Variants in GAGE1 observed in about 807,000 individuals in gnomAD.
GAGE1 encodes G antigen 1, also known as G antigen 4.
GAGE1 carries 5 observed loss-of-function variants against 5.0 expected under a neutral mutation model. The observed-to-expected ratio is 1.00, with a 90% CI of 0.52 to 2.11. The LOEUF is 2.11. Ranked by LOEUF, GAGE1 falls within the 30% of genes most tolerant of loss-of-function variation. GAGE1 has a pLI of 0.01. For missense variants in GAGE1, 9 were observed against 38.9 expected, an observed-to-expected ratio of 0.23 and a Z score of 2.04; for synonymous variants, 6 against 14.8, an observed-to-expected ratio of 0.40 and a Z score of 1.37.
At position 49,605,998 on chromosome X, in the gene GAGE1, G is replaced by C; in HGVS notation, c.337G>C (p.Gly113Arg). 2.8e-6 allele frequency: 3 copies of C among 1,075,257 alleles called. No individual in the cohort carries two copies. Among genetic ancestry groups the C allele is most frequent in the Non-Finnish European group, 3.6e-6 (3 of 822,953 alleles). 88.6% of individuals were successfully genotyped at this position (1,075,257 alleles called of 1,213,427 possible). A position where few individuals can be genotyped will look rare whatever the true frequency, so the allele number is the denominator to read the frequency against. ...ACTGTTTTGTTTTGTTTCAGGTGAAGGGCAATCACAGTGTTAAAAGAAGAC... is the reference window on the plus strand; with the variant it reads ...ACTGTTTTGTTTTGTTTCAGGTGAACGGCAATCACAGTGTTAAAAGAAGAC... ...EEVKTPEEGE[G>R]QSQC Residue 113 changes from glycine to arginine, a missense_variant, in exon 5 of 5, where the codon GGG (glycine) becomes CGG (arginine). Coordinates refer to ENST00000381700, the MANE Select transcript of GAGE1 (RefSeq NM_001040663.4).
Position 49,605,974 on chromosome X carries a change from CTGTTT to C in GAGE1, c.332-8_332-4del, listed in dbSNP as rs782791335. ...ATCTGTTGCTCTGTAATGTTCCCAA[CTGTTT>C]TGTTTTGTTTCAGGTGAAGGGCAAT... On this transcript the variant is annotated splice_polypyrimidine_tract_variant and intron_variant, in intron 4 of 4. Transcript: ENST00000381700. 2.9e-6 allele frequency: 3 copies of C among 1,027,673 alleles called. No homozygotes were observed. The highest frequency in any genetic ancestry group is 7.2e-5 in the East Asian group (2 of 27,826). The allele number at this position is 1,027,673 out of a possible 1,213,427, so 84.7% of individuals were successfully genotyped here. A position where few individuals can be genotyped will look rare whatever the true frequency, so the allele number is the denominator to read the frequency against.
chrX:49,606,261 C>G lies in GAGE1; in HGVS notation c.*246C>G. ...CTATCCAGCAACCTTGTTAAATATG[C>G]TTATGAATTTTAAAAGTTTACTTCT... On this transcript the variant is annotated 3_prime_UTR_variant, in exon 5 of 5. Coordinates refer to ENST00000381700, the MANE Select transcript of GAGE1 (RefSeq NM_001040663.4). The G allele has an allele frequency of 4.7e-6, 1 of 211,810 alleles. No homozygotes were observed. 17.5% of individuals were successfully genotyped at this position (211,810 alleles called of 1,213,427 possible).
chrX:49,606,663 A>G lies in GAGE1; in HGVS notation c.*648A>G, dbSNP rs1251848265. On this transcript the variant is annotated 3_prime_UTR_variant, in exon 5 of 5. Coordinates refer to ENST00000381700, the MANE Select transcript of GAGE1 (RefSeq NM_001040663.4). ...ACAATATTTAGTGTACTTTTTTTGT[A>G]GATGGACTTTTTCAGAGTAAGTCAA... 1.8e-5 allele frequency: 2 copies of G among 112,380 alleles called. No homozygotes were observed. Among genetic ancestry groups the G allele is most frequent in the African/African-American group, 6.5e-5 (2 of 30,915 alleles). The allele number at this position is 112,380 out of a possible 1,213,427, so 9.3% of individuals were successfully genotyped here. A position where few individuals can be genotyped will look rare whatever the true frequency, so the allele number is the denominator to read the frequency against.
chrX:49,603,511 C>A (rs1418840437), intron 3 of GAGE1, among the ~76,000 whole-genome samples, 157 bp from the exon 4 acceptor site: 3,013 of 96,604 alleles, frequency 0.031, 47 homozygotes, highest in African/African-American at 0.12. Flanking sequence ...TTTCTGCTAA[C>A]GGACTCCTGA....
intron 4 of GAGE1, chrX:49,604,848 C>T (rs1557131825): frequency 4.4e-6 from 1 of 227,703 alleles, no homozygotes; most frequent in Non-Finnish European, 8.2e-6. Flanking sequence ...CAGTCTGTCA[C>T]CCAGGGTGGA....
intron 4 of GAGE1, 33 bp downstream of exon 4, chrX:49,603,826 G>T (rs782809451): frequency 4.4e-6 from 5 of 1,132,172 alleles, no homozygotes; most frequent in East Asian, 3.0e-5. Flanking sequence ...ACATTGTAGG[G>T]TGTCTGTTTC....
chrX:49,605,009 C>T (rs144282981), intron 4 of GAGE1: 1 of 997,471 alleles, frequency 1.0e-6, no homozygotes, highest in Non-Finnish European at 1.3e-6. Context: ...GATGAGGTCT[C>T]ACTATGTTGC....
intron 4 of GAGE1, among the ~76,000 whole-genome samples, chrX:49,605,420 G>T (rs1194652873): frequency 3.6e-5 from 4 of 112,276 alleles, no homozygotes; most frequent in Non-Finnish European, 1.9e-5. Flanking sequence ...ACTGTTAATT[G>T]TAATTGCTTG....
At chrX:49,604,959 C>T in intron 4 of GAGE1, 3 of 696,944 alleles carry the variant, frequency 4.3e-6, no homozygotes, top group Non-Finnish European at 6.0e-6. Context: ...ATGCACAAGC[C>T]AACGTACCTG....
intron 4 of GAGE1, among the ~76,000 whole-genome samples, chrX:49,604,666 C>T (rs1202717651): frequency 8.9e-6 from 1 of 112,207 alleles, no homozygotes; most frequent in African/African-American, 3.2e-5. Context: ...AAACCCTGGC[C>T]CGAGTCATCT....
Position 49,605,424 on chromosome X carries a change from T to G in GAGE1, c.332-569T>G, listed in dbSNP as rs1251969931. 8.0e-5 allele frequency among the ~76,000 whole-genome samples: 9 copies of G among 112,369 alleles called. No homozygotes were observed. The East Asian group carries it at 1.1e-3, about 14-fold the overall frequency. On this transcript the variant is annotated intron_variant, in intron 4 of 4. Transcript: ENST00000381700. The stretch of plus-strand genomic sequence containing the variant: ...CCAAATTGCTGACTGTTAATTGTAA[T>G]TGCTTGTGACTTGAAAGGAAGCACT...
chrX:49,602,450 T>G (rs782781660), intron 3 of GAGE1, among the ~76,000 whole-genome samples: 1 of 77,968 alleles, frequency 1.3e-5, no homozygotes, highest in African/African-American at 3.5e-5. Context: ...TTTGCAAGAA[T>G]AGTACAATGA....
intron 4 of GAGE1, among the ~76,000 whole-genome samples, chrX:49,604,427 C>G (rs1458336872): frequency 8.9e-6 from 1 of 112,465 alleles, no homozygotes; most frequent in African/African-American, 3.2e-5. Flanking sequence ...GTGAAAAATG[C>G]TGAAGCACTC....
intron 4 of GAGE1, among the ~76,000 whole-genome samples, chrX:49,605,463 A>C (rs2066651185): frequency 8.9e-6 from 1 of 112,297 alleles, no homozygotes; most frequent in South Asian, 3.7e-4. Flanking sequence ...TGTTTAGGGA[A>C]GAAATTACCT....
In GAGE1 at chrX:49,604,911, A is replaced by C. The variant is rs782399892; in HGVS notation, c.332-1082A>C. The stretch of plus-strand genomic sequence containing the variant: ...CAACCTCTGGCTCCCAGGCTAAAGC[A>C]GTCCTCCCACCTCAGCCTCCTGAGT... On this transcript the variant is annotated intron_variant, in intron 4 of 4. Coordinates refer to ENST00000381700, the MANE Select transcript of GAGE1 (RefSeq NM_001040663.4). 54 of 327,721 alleles carry C rather than the reference A, an allele frequency of 1.6e-4. No homozygotes were observed. The East Asian group carries it at 3.0e-3, about 19-fold the overall frequency. 27.0% of individuals were successfully genotyped at this position (327,721 alleles called of 1,213,427 possible). A position where few individuals can be genotyped will look rare whatever the true frequency, so the allele number is the denominator to read the frequency against.
chrX:49,602,661 C>T (rs1208111829), intron 3 of GAGE1, among the ~76,000 whole-genome samples: 1 of 91,980 alleles, frequency 1.1e-5, no homozygotes, highest in East Asian at 3.2e-4. Flanking sequence ...ACCCTATGTA[C>T]TTGAGGGTGT....
At chrX:49,605,600 CT>C (rs1160330681) in intron 4 of GAGE1, among the ~76,000 whole-genome samples, 1 of 111,787 alleles carries the variant, frequency 8.9e-6, no homozygotes, top group Non-Finnish European at 1.9e-5. Flanking sequence ...CTTTGTATGC[CT>C]TTAGGGCCAT....
At chrX:49,605,456 T>G (rs1557132023) in intron 4 of GAGE1, among the ~76,000 whole-genome samples, 1 of 112,319 alleles carries the variant, frequency 8.9e-6, no homozygotes, top group African/African-American at 3.2e-5. Context: ...CACTTGATGT[T>G]TAGGGAAGAA....
intron 4 of GAGE1, among the ~76,000 whole-genome samples, chrX:49,605,727 G>T (rs2066653730): frequency 9.1e-6 from 1 of 110,376 alleles, no homozygotes; most frequent in South Asian, 3.9e-4. Flanking sequence ...TGGCTAACAC[G>T]GTGAAACCCC....
Sources: gnomAD v4.1 joint callset for allele counts (sites outside exome capture counted in the v4.1 genomes callset) on GRCh38, gnomAD v4.1.1 for gene constraint, MANE v1.5 for transcripts, NCBI Gene and HGNC (gene_info 2026-07-23, HGNC 2026-07-21) for gene names.